Variants in SUPT6H observed in about 807,000 individuals in gnomAD.
SUPT6H encodes transcription elongation factor SPT6.
A neutral mutation model predicts 222.3 loss-of-function variants in SUPT6H; 11 were observed. That is an observed-to-expected ratio of 0.05 (90% CI 0.03 to 0.08). The LOEUF (loss-of-function observed/expected upper bound fraction) is 0.08, where lower values mean the gene tolerates loss of function less well. Ranked by LOEUF, SUPT6H falls within the 10% of genes least tolerant of loss-of-function variation. The pLI, the probability that SUPT6H is intolerant of heterozygous loss-of-function variation, is 1.00. For synonymous variants in SUPT6H, 762 were observed against 801.2 expected (o/e 0.95, Z 0.83); for missense variants, 1,422 against 2,216.0 (o/e 0.64, Z 7.19).
intron 1 of SUPT6H, among the ~76,000 whole-genome samples, chr17:28,668,941 ATCACCCTAAC>A (rs899693261): frequency 5.9e-5 from 9 of 152,206 alleles, no homozygotes; most frequent in Non-Finnish European, 1.3e-4. Flanking sequence ...ATGGGGGAGC[ATCACCCTAAC>A]CCCTAGGCTT....
At chr17:28,668,380 C>T (rs1367719387) in intron 1 of SUPT6H, among the ~76,000 whole-genome samples, 1 of 152,192 alleles carries the variant, frequency 6.6e-6, no homozygotes, top group African/African-American at 2.4e-5. Flanking sequence ...TCTCAGACTG[C>T]AGTGCTACTG....
chr17:28,677,927 G>A (rs1369586984), intron 8 of SUPT6H, 111 bp downstream of exon 8: 4 of 1,294,400 alleles, frequency 3.1e-6, no homozygotes, highest in Non-Finnish European at 4.4e-6. Flanking sequence ...TTAGAAAACT[G>A]TGTGTATGTA....
intron 30 of SUPT6H, 41 bp downstream of exon 30, chr17:28,697,123 T>G (rs766323082): frequency 6.3e-7 from 1 of 1,586,264 alleles, no homozygotes; most frequent in Non-Finnish European, 8.7e-7. Flanking sequence ...CCACTCCTGC[T>G]TCCAGAAAGG....
intron 19 of SUPT6H, 90 bp downstream of exon 19, chr17:28,685,051 C>A: frequency 8.3e-7 from 1 of 1,207,540 alleles, no homozygotes; most frequent in Non-Finnish European, 1.2e-6. Flanking sequence ...AAGCAACATC[C>A]TATGCAAGAC....
intron 27 of SUPT6H, among the ~76,000 whole-genome samples, chr17:28,692,868 G>A (rs1489983463): frequency 6.8e-6 from 1 of 147,388 alleles, no homozygotes; most frequent in Non-Finnish European, 1.5e-5. Context: ...GGGCATGGTG[G>A]CGGGCGCTTG....
At chr17:28,696,091 AG>A (rs1597719232) in intron 29 of SUPT6H, among the ~76,000 whole-genome samples, 2 of 152,054 alleles carry the variant, frequency 1.3e-5, no homozygotes, top group South Asian at 4.1e-4. Flanking sequence ...GGATCACTTG[AG>A]GTCAGGAGTT....
rs2030851223 is a variant in SUPT6H at position 28,677,823 on chromosome 17, A to C, written c.999+7A>C. On this transcript the variant is annotated splice_region_variant and intron_variant, in intron 8 of 36. Coordinates refer to ENST00000314616, the MANE Select transcript of SUPT6H (RefSeq NM_003170.5). Reference sequence around the variant, plus strand: ...ACCAACCATTTCTCTCCAGGTACACAAAAAAGATCCTTAGGTTTTGACATG... The same window carrying C: ...ACCAACCATTTCTCTCCAGGTACACCAAAAAGATCCTTAGGTTTTGACATG... The C allele has an allele frequency of 6.2e-7, 1 of 1,611,888 alleles. No homozygotes were observed. Among genetic ancestry groups the C allele is most frequent in the East Asian group, 2.2e-5 (1 of 44,890 alleles).
At chr17:28,684,064 G>C (rs1045564314) in intron 17 of SUPT6H, among the ~76,000 whole-genome samples, 1 of 151,870 alleles carries the variant, frequency 6.6e-6, no homozygotes, top group Non-Finnish European at 1.5e-5. Flanking sequence ...TGGTTTTACC[G>C]TGTTAGCCAG....
At chr17:28,693,914 C>G (rs1192123119) in intron 28 of SUPT6H, 78 bp downstream of exon 28, 7 of 1,586,052 alleles carry the variant, frequency 4.4e-6, no homozygotes, top group Non-Finnish European at 6.0e-6. Context: ...TGGGCTGTCC[C>G]CACCAGAAGT....
At chr17:28,693,646 C>T (rs755874989) in intron 27 of SUPT6H, 50 bp from the exon 28 acceptor site, 19 of 1,604,180 alleles carry the variant, frequency 1.2e-5, no homozygotes, top group South Asian at 2.2e-5. Context: ...TCTGAATGAG[C>T]GATCTCCAGA....
chr17:28,662,520 C>T (rs1321958045), intron 1 of SUPT6H, among the ~76,000 whole-genome samples, 178 bp downstream of exon 1: 1 of 152,086 alleles, frequency 6.6e-6, no homozygotes, highest in Non-Finnish European at 1.5e-5. Context: ...TGCTCAGAGT[C>T]CGAAAGCTTT....
At position 28,676,163 on chromosome 17, in the gene SUPT6H, G is replaced by A; in HGVS notation, c.630G>A (p.Leu210=). ...CTCTTGCTGCCACCTACAGGGCCCTGCAAGAAGCCCAGGAAATCTTCGGTG... is the reference window on the plus strand; with the variant it reads ...CTCTTGCTGCCACCTACAGGGCCCTACAAGAAGCCCAGGAAATCTTCGGTG... ...KKLPGYTDAA[L]QEAQEIFGVD... Residue 210 remains leucine (L), a synonymous_variant, in exon 7 of 37, where the codon CTG becomes CTA. Coordinates refer to ENST00000314616, the MANE Select transcript of SUPT6H (RefSeq NM_003170.5). 1 of 1,590,194 alleles carries A rather than the reference G, an allele frequency of 6.3e-7. No individual in the cohort carries two copies. Among genetic ancestry groups the A allele is most frequent in the Non-Finnish European group, 8.6e-7 (1 of 1,168,522 alleles).
chr17:28,697,609 T>G lies in SUPT6H; in HGVS notation c.4210-11T>G, dbSNP rs975157225. On this transcript the variant is annotated splice_polypyrimidine_tract_variant and intron_variant, in intron 30 of 36. Transcript: ENST00000314616. Reference sequence around the variant, plus strand: ...GATATGACACATGGGGCCTTTACCTTCTTCCCACAGGAATTCGAAGATTTG... The same window carrying G: ...GATATGACACATGGGGCCTTTACCTGCTTCCCACAGGAATTCGAAGATTTG... 81 of 1,612,300 alleles carry G rather than the reference T, an allele frequency of 5.0e-5. No individual in the cohort carries two copies. The highest frequency in any genetic ancestry group is 6.9e-5 in the Non-Finnish European group (81 of 1,178,536).
At chr17:28,675,263 C>A in intron 5 of SUPT6H, 101 bp downstream of exon 5, 1 of 1,483,016 alleles carries the variant, frequency 6.7e-7, no homozygotes, top group East Asian at 2.3e-5. Flanking sequence ...CATCCCCCAG[C>A]ATTTGACACA....
intron 1 of SUPT6H, among the ~76,000 whole-genome samples, chr17:28,667,985 G>A (rs2151603427): frequency 6.6e-6 from 1 of 151,912 alleles, no homozygotes. Context: ...TTTTCACTCT[G>A]GTCTCCTCTT....
intron 30 of SUPT6H, 27 bp downstream of exon 30, chr17:28,697,109 C>A (rs1291686152): frequency 6.3e-7 from 1 of 1,597,618 alleles, no homozygotes; most frequent in East Asian, 2.2e-5. Flanking sequence ...GCCCACCTCC[C>A]ATCCCACTCC....
chr17:28,680,384 C>T (rs955164692), intron 11 of SUPT6H, among the ~76,000 whole-genome samples: 4 of 150,830 alleles, frequency 2.7e-5, no homozygotes, highest in Admixed American at 6.6e-5. Flanking sequence ...GATCACCTGA[C>T]GTCAGGAGTT....
chr17:28,693,208 C>T (rs2031752822), intron 27 of SUPT6H, among the ~76,000 whole-genome samples: 1 of 152,042 alleles, frequency 6.6e-6, no homozygotes, highest in Admixed American at 6.6e-5. Flanking sequence ...CGCCTGTAAT[C>T]CCAGCACTTT....
intron 11 of SUPT6H, 83 bp downstream of exon 11, chr17:28,679,046 G>A: frequency 6.4e-7 from 1 of 1,566,222 alleles, no homozygotes; most frequent in African/African-American, 1.3e-5. Context: ...AAACCTTGGA[G>A]AATGTGTAGC....
Sources: allele counts gnomAD v4.1 joint callset (sites outside exome capture counted in the v4.1 genomes callset), GRCh38; gene constraint gnomAD v4.1.1; transcripts MANE v1.5; gene names NCBI Gene and HGNC (gene_info 2026-07-23, HGNC 2026-07-21).